The following C2orf15 variants were observed in gnomAD, a reference collection of about 807,000 sequenced individuals.
C2orf15 encodes chromosome 2 open reading frame 15.
C2orf15 carries 3 observed loss-of-function variants against 4.4 expected under a neutral mutation model. The observed-to-expected ratio is 0.67, with a 90% CI of 0.31 to 1.74. The LOEUF (loss-of-function observed/expected upper bound fraction) is 1.74, where lower values mean the gene tolerates loss of function less well. C2orf15 is among the 40% of genes most tolerant of loss of function. The pLI is 0.09. For missense variants in C2orf15, 90 were observed against 103.3 expected, an observed-to-expected ratio of 0.87 and a Z score of 0.56; for synonymous variants, 37 against 36.8, an observed-to-expected ratio of 1.00 and a Z score of -0.02.
chr2:99,146,541 T>C (rs529613126), intron 2 of C2orf15, among the ~76,000 whole-genome samples: 1 of 152,318 alleles, frequency 6.6e-6, no homozygotes, highest in South Asian at 2.1e-4. Flanking sequence ...GTTCAAGAAA[T>C]CTTTCTTCAC....
In C2orf15 at chr2:99,142,417, T is replaced by TC. The variant is rs957252475; in HGVS notation, c.-169+22dup. 4.6e-5 allele frequency: 7 copies of TC among 152,220 alleles called. No individual in the cohort carries two copies. The East Asian group carries it at 7.7e-4, about 17-fold the overall frequency. 9.4% of individuals were successfully genotyped at this position (152,220 alleles called of 1,614,324 possible). Reference sequence around the variant, plus strand: ...TTTTCGCCAGGTGAGTACTCATTTTTCCCCCCACAAGATATCATTGGCAGG... The same window carrying TC: ...TTTTCGCCAGGTGAGTACTCATTTTTCCCCCCCACAAGATATCATTGGCAGG... On this transcript the variant is annotated intron_variant, in intron 2 of 3. Transcript: ENST00000650052.
intron 2 of C2orf15, among the ~76,000 whole-genome samples, chr2:99,145,436 G>A (rs2093621761): frequency 1.3e-5 from 2 of 152,126 alleles, no homozygotes; most frequent in African/African-American, 4.8e-5. Flanking sequence ...GCAGGCACCT[G>A]TAATCCCAGC....
chr2:99,142,462 G>A (rs941026515), intron 2 of C2orf15, 61 bp downstream of exon 2: 1 of 152,162 alleles, frequency 6.6e-6, no homozygotes, highest in Non-Finnish European at 1.5e-5. Context: ...CTTTTGTGTA[G>A]AACAAATTTA....
At chr2:99,143,167 A>T (rs2105120118) in intron 2 of C2orf15, among the ~76,000 whole-genome samples, 1 of 113,232 alleles carries the variant, frequency 8.8e-6, no homozygotes. Flanking sequence ...TTTGAGACAG[A>T]GTCTCACTCT....
chr2:99,143,458 C>A (rs2093599025), intron 2 of C2orf15, among the ~76,000 whole-genome samples: 1 of 141,184 alleles, frequency 7.1e-6, no homozygotes. Context: ...TGCGCCCAGA[C>A]TTTTTTTTTT....
At position 99,141,760 on chromosome 2, in the gene C2orf15, G is replaced by A. The variant is rs2093564564; in HGVS notation, c.-463G>A. The A allele has an allele frequency of 6.5e-6, 1 of 152,824 alleles. No homozygotes were observed. The highest frequency in any genetic ancestry group is 1.5e-5 in the Non-Finnish European group (1 of 68,142). The allele number at this position is 152,824 out of a possible 1,614,324, so 9.5% of individuals were successfully genotyped here. A position where few individuals can be genotyped will look rare whatever the true frequency, so the allele number is the denominator to read the frequency against. On this transcript the variant is annotated 5_prime_UTR_variant, in exon 1 of 4. Transcript: ENST00000650052. Reference sequence around the variant, plus strand: ...GAAACACCTGCTGCTTCGCGGCGGTGGCTTTGTGCCACTTTTCCCAGGGCT... The same window carrying A: ...GAAACACCTGCTGCTTCGCGGCGGTAGCTTTGTGCCACTTTTCCCAGGGCT...
At chr2:99,147,592 A>G (rs1401361356) in intron 3 of C2orf15, 99 bp downstream of exon 3, 2 of 1,026,144 alleles carry the variant, frequency 1.9e-6, no homozygotes, top group African/African-American at 3.2e-5. Context: ...ATTATATGTT[A>G]CCATTCTTTT....
intron 2 of C2orf15, among the ~76,000 whole-genome samples, chr2:99,146,043 G>C (rs554940736): frequency 6.6e-6 from 1 of 152,270 alleles, no homozygotes; most frequent in South Asian, 2.1e-4. Flanking sequence ...AGCACTTTAG[G>C]AGGCCAAGGA....
chr2:99,142,301 G>A lies in C2orf15; in HGVS notation c.-269G>A, dbSNP rs1005730391. ...TTCCTGCAGATGACATAGACACTAG[G>A]TTTTTACAGCAATTCTCTGATGACC... On this transcript the variant is annotated 5_prime_UTR_variant, in exon 2 of 4. Coordinates refer to ENST00000650052, the MANE Select transcript of C2orf15 (RefSeq NM_144706.4). 6.6e-6 allele frequency: 1 copy of A among 152,144 alleles called. No homozygotes were observed. The highest frequency in any genetic ancestry group is 1.5e-5 in the Non-Finnish European group (1 of 68,024). 9.4% of individuals were successfully genotyped at this position (152,144 alleles called of 1,614,324 possible).
At chr2:99,145,563 GA>G (rs58490482) in intron 2 of C2orf15, among the ~76,000 whole-genome samples, 25 of 145,206 alleles carry the variant, frequency 1.7e-4, no homozygotes, top group African/African-American at 2.3e-4. Flanking sequence ...GTCCCAAAAA[GA>G]AAAAAAAAAA....
intron 2 of C2orf15, among the ~76,000 whole-genome samples, chr2:99,143,876 A>T (rs2093603235): frequency 6.6e-6 from 1 of 151,942 alleles, no homozygotes. Context: ...CAAAAGCTTC[A>T]CTACAAAAAC....
At chr2:99,146,723 G>A (rs1357292892) in intron 2 of C2orf15, among the ~76,000 whole-genome samples, 1 of 152,060 alleles carries the variant, frequency 6.6e-6, no homozygotes, top group Non-Finnish European at 1.5e-5. Flanking sequence ...CCACCCCCTG[G>A]GTTCAAGCGA....
At chr2:99,147,661 C>T (rs370380936) in intron 3 of C2orf15, among the ~76,000 whole-genome samples, 168 bp downstream of exon 3, 35 of 152,004 alleles carry the variant, frequency 2.3e-4, no homozygotes, top group African/African-American at 8.4e-4. Flanking sequence ...AACGTTTTTT[C>T]AATTTTGTAT....
chr2:99,149,197 T>A (rs967233063), intron 3 of C2orf15, among the ~76,000 whole-genome samples: 2 of 149,924 alleles, frequency 1.3e-5, no homozygotes, highest in Non-Finnish European at 3.0e-5. Context: ...GGGTGAGGGA[T>A]TTCGATCGAA....
In C2orf15 at chr2:99,150,836, G is replaced by A; in HGVS notation, c.*2G>A. 6.4e-7 allele frequency: 1 copy of A among 1,574,352 alleles called. No homozygotes were observed. Among genetic ancestry groups the A allele is most frequent in the African/African-American group, 1.4e-5 (1 of 72,860 alleles). ...CTAGAAATGACAGATGTGGAATGAA[G>A]CAATTTGTACGTATTACCAAAGAAA... On this transcript the variant is annotated 3_prime_UTR_variant, in exon 4 of 4. Transcript: ENST00000650052.
In C2orf15 at chr2:99,150,509, T is replaced by C; in HGVS notation, c.-50T>C. The C allele has an allele frequency of 6.4e-7, 1 of 1,569,692 alleles. No homozygotes were observed. Among genetic ancestry groups the C allele is most frequent in the Non-Finnish European group, 8.6e-7 (1 of 1,160,620 alleles). Reference sequence around the variant, plus strand: ...AATCAAGTTGAAGAAACACTTCCACTACTTAAAAAGGTACCTGCAAATTAC... The same window carrying C: ...AATCAAGTTGAAGAAACACTTCCACCACTTAAAAAGGTACCTGCAAATTAC... On this transcript the variant is annotated 5_prime_UTR_variant, in exon 4 of 4. Coordinates refer to ENST00000650052, the MANE Select transcript of C2orf15 (RefSeq NM_144706.4).
Position 99,150,732 on chromosome 2 carries a change from A to G in C2orf15, c.174A>G (p.Thr58=), listed in dbSNP as rs1162660988. 1.2e-6 allele frequency: 2 copies of G among 1,614,048 alleles called. No homozygotes were observed. Among genetic ancestry groups the G allele is most frequent in the South Asian group, 2.2e-5 (2 of 91,076 alleles). The change falls in exon 4 of 4, where the codon ACA becomes ACG. Residue 58 remains threonine (T), a synonymous_variant. Coordinates refer to ENST00000650052, the MANE Select transcript of C2orf15 (RefSeq NM_144706.4). ...AAGACACAAATCAAGAAAACTTTAC[A>G]AGGATTGAAGGGACTGGCACAGGAT... is the stretch of plus-strand genomic sequence containing the variant. ...RLEDTNQENF[T]RIEGTGTGSL...
rs111826595 is a variant in C2orf15 at position 99,150,846 on chromosome 2, C to A, written c.*12C>A. On this transcript the variant is annotated 3_prime_UTR_variant, in exon 4 of 4. Transcript: ENST00000650052. ...CAGATGTGGAATGAAGCAATTTGTACGTATTACCAAAGAAACCAAAAACTG... is the reference window on the plus strand; with the variant it reads ...CAGATGTGGAATGAAGCAATTTGTAAGTATTACCAAAGAAACCAAAAACTG... The A allele has an allele frequency of 6.5e-7, 1 of 1,543,682 alleles. No individual in the cohort carries two copies. Among genetic ancestry groups the A allele is most frequent in the Non-Finnish European group, 8.7e-7 (1 of 1,144,392 alleles).
chr2:99,145,086 C>A (rs1438957220), intron 2 of C2orf15, among the ~76,000 whole-genome samples: 1 of 152,196 alleles, frequency 6.6e-6, no homozygotes, highest in Non-Finnish European at 1.5e-5. Flanking sequence ...TCAGGCAGGT[C>A]TACATTCCTT....
Sources: gnomAD v4.1 joint callset for allele counts (sites outside exome capture counted in the v4.1 genomes callset) on GRCh38, gnomAD v4.1.1 for gene constraint, MANE v1.5 for transcripts, NCBI Gene and HGNC (gene_info 2026-07-23, HGNC 2026-07-21) for gene names.